The following VWA5B1 variants were observed in gnomAD, a reference collection of about 807,000 sequenced individuals.
VWA5B1 encodes the protein von Willebrand factor A domain containing 5B1, also known as von Willebrand factor A domain-containing protein 5B1.
A neutral mutation model predicts 118.2 loss-of-function variants in VWA5B1; 115 were observed. The ratio of observed to expected loss-of-function variants is 0.97; its 90% CI spans 0.84 to 1.14. VWA5B1 has a LOEUF of 1.14. Ranked by LOEUF, VWA5B1 falls within the 50% of genes most tolerant of loss-of-function variation. VWA5B1 has a pLI of 0.00. For missense variants in VWA5B1, 1,596 were observed against 1,603.8 expected (o/e 1.00, Z 0.08); for synonymous variants, 682 against 658.4 (o/e 1.04, Z -0.55).
rs1570241433 is a variant in VWA5B1, at chr1:20,352,129, T to C, written c.3098T>C (p.Val1033Ala). The change falls in exon 21 of 22, where the codon GTG becomes GCG. Residue 1033 changes from valine (V) to alanine (A), a missense_variant. Coordinates refer to ENST00000289815, the MANE Select transcript of VWA5B1 (RefSeq NM_001039500.3). ...GFLSKPLIKA[V>A]ESTSGNQSFD... Reference sequence around the variant, plus strand: ...CTGAGCAAGCCACTGATCAAAGCTGTGGAGTCGACCTCCGGGAACCAGAGC... The same window carrying C: ...CTGAGCAAGCCACTGATCAAAGCTGCGGAGTCGACCTCCGGGAACCAGAGC... 2 of 1,551,448 alleles carry C rather than the reference T, an allele frequency of 1.3e-6. No individual in the cohort carries two copies. Among genetic ancestry groups the C allele is most frequent in the East Asian group, 2.4e-5 (1 of 40,916 alleles).
intron 8 of VWA5B1, among the ~76,000 whole-genome samples, chr1:20,325,792 A>G (rs577997401): frequency 6.6e-6 from 1 of 152,300 alleles, no homozygotes; most frequent in South Asian, 2.1e-4. Context: ...AGAGAAAGGC[A>G]CAGAAATTAC....
At chr1:20,344,817 T>A (rs1319298996) in intron 16 of VWA5B1, among the ~76,000 whole-genome samples, 1 of 152,250 alleles carries the variant, frequency 6.6e-6, no homozygotes, top group Non-Finnish European at 1.5e-5. Flanking sequence ...CATGAGCTCC[T>A]CACCTTACAG....
chr1:20,343,057 C>T lies in VWA5B1; in HGVS notation c.2312-22C>T, dbSNP rs1033118155. The T allele has an allele frequency of 2.7e-6, 4 of 1,491,204 alleles. No individual in the cohort carries two copies. In the African/African-American group the frequency reaches 4.2e-5, roughly 16 times the overall value. 92.4% of individuals were successfully genotyped at this position (1,491,204 alleles called of 1,614,324 possible). A position where few individuals can be genotyped will look rare whatever the true frequency, so the allele number is the denominator to read the frequency against. On this transcript the variant is annotated intron_variant, in intron 15 of 21. Transcript: ENST00000289815. Reference sequence around the variant, plus strand: ...TCTGTCCCCCAGGTCAGCGCTTGGCCCACTTGTCCCTCTGCCCGCAGAGCC... The same window carrying T: ...TCTGTCCCCCAGGTCAGCGCTTGGCTCACTTGTCCCTCTGCCCGCAGAGCC...
chr1:20,317,752 G>A, intron 5 of VWA5B1, 77 bp downstream of exon 5: 3 of 765,518 alleles, frequency 3.9e-6, no homozygotes, highest in South Asian at 3.5e-5. Context: ...GGACGGGGGT[G>A]GGAAGGAAAG....
At chr1:20,313,294 T>C (rs764650476) in intron 3 of VWA5B1, among the ~76,000 whole-genome samples, 9 of 152,238 alleles carry the variant, frequency 5.9e-5, no homozygotes, top group Non-Finnish European at 1.0e-4. Flanking sequence ...CAGAATAACA[T>C]ATCTTTTAAG....
In VWA5B1 at chr1:20,318,633, A is replaced by G. The variant is rs889978520; in HGVS notation, c.753A>G (p.Pro251=). The change falls in exon 6 of 22, where the codon CCA becomes CCG. Residue 251 remains proline (P), a synonymous_variant. Transcript: ENST00000289815. ...ATGAGATTCGTGCCGACGCCGCCCCATCTGCCCGCTCGGCCAAGAGCATCA... is the reference window on the plus strand; with the variant it reads ...ATGAGATTCGTGCCGACGCCGCCCCGTCTGCCCGCTCGGCCAAGAGCATCA... ...PTHEIRADAA[P]SARSAKSIII... 4 of 1,550,790 alleles carry G rather than the reference A, an allele frequency of 2.6e-6. No homozygotes were observed. The highest frequency in any genetic ancestry group is 2.6e-6 in the Non-Finnish European group (3 of 1,146,590).
At chr1:20,326,739 G>A (rs1047528106) in intron 8 of VWA5B1, among the ~76,000 whole-genome samples, 3 of 151,672 alleles carry the variant, frequency 2.0e-5, no homozygotes, top group Non-Finnish European at 4.4e-5. Context: ...GTGAGTTACC[G>A]TGCCCAGCCA....
At chr1:20,323,751 G>A (rs1436455848) in intron 8 of VWA5B1, among the ~76,000 whole-genome samples, 4 of 152,218 alleles carry the variant, frequency 2.6e-5, no homozygotes, top group Non-Finnish European at 4.4e-5. Context: ...GAAGTCATCC[G>A]TAGCTGTCCT....
intron 1 of VWA5B1, among the ~76,000 whole-genome samples, chr1:20,305,284 C>G (rs188492926): frequency 7.2e-5 from 11 of 152,120 alleles, no homozygotes; most frequent in African/African-American, 1.7e-4. Flanking sequence ...GAAATGCAGG[C>G]TGAGCTGGGA....
chr1:20,338,004 C>T, intron 14 of VWA5B1, 168 bp downstream of exon 14: 1 of 868,692 alleles, frequency 1.2e-6, no homozygotes, highest in Non-Finnish European at 1.9e-6. Context: ...CCGAGGACAC[C>T]TTCCAAATCA....
intron 14 of VWA5B1, 51 bp from the exon 15 acceptor site, chr1:20,342,381 C>T: frequency 6.5e-7 from 1 of 1,535,602 alleles, no homozygotes; most frequent in Non-Finnish European, 8.8e-7. Context: ...TCTCCTCCTC[C>T]TCCTCCTCCT....
At position 20,332,545 on chromosome 1, in the gene VWA5B1, A is replaced by AAAATAAAATG. The variant is rs1491422341; in HGVS notation, c.1573-217_1573-216insAAAATGAAAT. Among the ~76,000 whole-genome samples, 96 of 142,442 alleles carry AAAATAAAATG rather than the reference A, an allele frequency of 6.7e-4. 2 individuals are homozygous for AAAATAAAATG. Among genetic ancestry groups the AAAATAAAATG allele is most frequent in the Non-Finnish European group, 1.8e-4 (12 of 65,654 alleles). 93.4% of individuals were successfully genotyped at this position (142,442 alleles called of 152,430 possible). On this transcript the variant is annotated intron_variant, in intron 11 of 21. Coordinates refer to ENST00000289815, the MANE Select transcript of VWA5B1 (RefSeq NM_001039500.3). ...AAAATAAAATAAAATAAAATAAAAT[A>AAAATAAAATG]AAATGCTAAGCTTAGAAAAGATGAA...
chr1:20,324,343 C>A (rs970102808), intron 8 of VWA5B1, among the ~76,000 whole-genome samples: 2 of 152,294 alleles, frequency 1.3e-5, no homozygotes, highest in Admixed American at 1.3e-4. Flanking sequence ...ATCCTCCCCC[C>A]TCACAATCCA....
intron 1 of VWA5B1, among the ~76,000 whole-genome samples, chr1:20,304,560 T>C (rs1490835199): frequency 6.6e-6 from 1 of 151,502 alleles, no homozygotes; most frequent in Non-Finnish European, 1.5e-5. Context: ...GAGGTGTGTG[T>C]GTGTGTGCAC....
In VWA5B1 at chr1:20,356,819, A is replaced by G. The variant is rs1228605898; in HGVS notation, c.*2556A>G. Among the ~76,000 whole-genome samples the G allele has an allele frequency of 6.6e-6, 1 of 152,192 alleles. No individual in the cohort carries two copies. Among genetic ancestry groups the G allele is most frequent in the Non-Finnish European group, 1.5e-5 (1 of 68,034 alleles). On this transcript the variant is annotated 3_prime_UTR_variant, in exon 22 of 22. Transcript: ENST00000289815. Reference sequence around the variant, plus strand: ...CCAAGAGCTATGGGGGCAGGTCTGGACAAGAGACATTTTTAAAGAACTTCA... The same window carrying G: ...CCAAGAGCTATGGGGGCAGGTCTGGGCAAGAGACATTTTTAAAGAACTTCA...
At chr1:20,329,285 C>T (rs1267694156) in intron 9 of VWA5B1, among the ~76,000 whole-genome samples, 29 of 124,646 alleles carry the variant, frequency 2.3e-4, no homozygotes, top group African/African-American at 2.7e-4. Flanking sequence ...TTTTTCTTTT[C>T]CCTTTTTTTT....
At chr1:20,328,753 GACA>G (rs2089460736) in intron 9 of VWA5B1, among the ~76,000 whole-genome samples, 1 of 152,046 alleles carries the variant, frequency 6.6e-6, no homozygotes, top group South Asian at 2.1e-4. Flanking sequence ...TACAAACAAT[GACA>G]ACAACAAAAG....
chr1:20,328,060 G>A (rs1233958674), intron 9 of VWA5B1, 60 bp downstream of exon 9: 1 of 1,482,348 alleles, frequency 6.7e-7, no homozygotes, highest in African/African-American at 1.4e-5. Flanking sequence ...CAGAGGAAAG[G>A]AGGGAAAGGG....
intron 14 of VWA5B1, among the ~76,000 whole-genome samples, chr1:20,340,149 C>T (rs2089835954): frequency 6.6e-6 from 1 of 152,026 alleles, no homozygotes; most frequent in Non-Finnish European, 1.5e-5. Flanking sequence ...GCTTCTTCCC[C>T]AACCTGATGC....
Sources: allele counts gnomAD v4.1 joint callset (sites outside exome capture counted in the v4.1 genomes callset), GRCh38; gene constraint gnomAD v4.1.1; transcripts MANE v1.5; gene names NCBI Gene and HGNC (gene_info 2026-07-23, HGNC 2026-07-21).